The following CCDC17 variants were observed in gnomAD, a reference collection of about 807,000 sequenced individuals.
CCDC17 encodes coiled-coil domain-containing protein 17.
Under a neutral mutation model 68.0 loss-of-function variants are expected in CCDC17, and 79 were observed. That is an observed-to-expected ratio of 1.16 (90% CI 0.97 to 1.40). The LOEUF is 1.40. Ranked by LOEUF, CCDC17 falls within the 40% of genes most tolerant of loss-of-function variation. The probability of loss-of-function intolerance (pLI) is 0.00; values close to 1 mark genes in which losing one functional copy is unlikely to be tolerated. For missense variants in CCDC17, 846 were observed against 811.5 expected (o/e 1.04, Z -0.52); for synonymous variants, 376 against 337.5 (o/e 1.11, Z -1.25).
In CCDC17 at chr1:45,620,405, C is replaced by T. The variant is rs3014246; in HGVS notation, c.1739G>A (p.Ser580Asn). ...PVSSTSSLEA[S>N]FLTPAVGFAD... ...AAAGCCAACTGCGGGGGTGAGGAAG[C>T]TGGCTTCCAGTGAAGATGTGCTGGA... The change falls in exon 13 of 13, where the codon AGC (serine) becomes AAC (asparagine). Residue 580 changes from serine to asparagine, a missense_variant. Physicochemically the swap from Ser to Asn is conservative, Grantham distance 46. Coordinates refer to ENST00000528266, the MANE Select transcript of CCDC17 (RefSeq NM_001114938.3). 0.71 allele frequency: 1,116,970 copies of T among 1,581,978 alleles called. 395,125 individuals are homozygous for T. The highest frequency in any genetic ancestry group is 0.75 in the African/African-American group (55,318 of 73,352).
Position 45,623,200 on chromosome 1 carries a change from TC to T in CCDC17, c.493+16del, listed in dbSNP as rs1179539175. The T allele has an allele frequency of 1.3e-6, 2 of 1,541,112 alleles. No individual in the cohort carries two copies. Among genetic ancestry groups the T allele is most frequent in the African/African-American group, 2.7e-5 (2 of 72,812 alleles). On this transcript the variant is annotated intron_variant, in intron 3 of 12. Transcript: ENST00000528266. ...GGGCAGAGGAGGTCCTTGGTCCCCG[TC>T]CCCCATCTCCTTCACCCTCGCCGCG... is the stretch of plus-strand genomic sequence containing the variant.
At position 45,620,260 on chromosome 1, in the gene CCDC17, C is replaced by T. The variant is rs368906435; in HGVS notation, c.*15G>A. 1 of 1,606,440 alleles carries T rather than the reference C, an allele frequency of 6.2e-7. No individual in the cohort carries two copies. The highest frequency in any genetic ancestry group is 8.5e-7 in the Non-Finnish European group (1 of 1,177,586). ...CTGTGCATGTTCAGATGCTCATCTC[C>T]ACATTCACTTGGGTTCAGAAACTCA... is the stretch of plus-strand genomic sequence containing the variant. On this transcript the variant is annotated 3_prime_UTR_variant, in exon 13 of 13. Transcript: ENST00000528266.
chr1:45,622,125 A>G (rs927451354), intron 7 of CCDC17, 116 bp downstream of exon 7: 13 of 1,271,436 alleles, frequency 1.0e-5, no homozygotes, highest in African/African-American at 1.5e-5. Context: ...ACACACGTGC[A>G]GACATGAACT....
At position 45,621,325 on chromosome 1, in the gene CCDC17, G is replaced by C; in HGVS notation, c.1344C>G (p.Pro448=). The C allele has an allele frequency of 6.3e-7, 1 of 1,588,608 alleles. No homozygotes were observed. The highest frequency in any genetic ancestry group is 8.6e-7 in the Non-Finnish European group (1 of 1,167,448). The part of the protein sequence containing the change: ...LCLPPPPAPG[P]MGNCAILASR... Reference sequence around the variant, plus strand: ...TGGCAAGGATGGCACAGTTGCCCATGGGCCCGGGAGCAGGAGGTGGGGGCA... The same window carrying C: ...TGGCAAGGATGGCACAGTTGCCCATCGGCCCGGGAGCAGGAGGTGGGGGCA... The change falls in exon 10 of 13, where the codon CCC becomes CCG. Residue 448 remains proline (P), a synonymous_variant. Coordinates refer to ENST00000528266, the MANE Select transcript of CCDC17 (RefSeq NM_001114938.3).
intron 2 of CCDC17, 42 bp from the exon 3 acceptor site, chr1:45,623,481 C>T (rs1557682167): frequency 1.3e-6 from 2 of 1,549,458 alleles, no homozygotes; most frequent in Non-Finnish European, 1.7e-6. Flanking sequence ...TGGGCAGAAT[C>T]TGTCCCAAGT....
At chr1:45,622,860 A>AGACGGT in intron 4 of CCDC17, 26 bp from the exon 5 acceptor site, 1 of 1,581,768 alleles carries the variant, frequency 6.3e-7, no homozygotes, top group Non-Finnish European at 8.6e-7. Context: ...ACGCGCAGGG[A>AGACGGT]GACGGTAACG....
intron 3 of CCDC17, 43 bp from the exon 4 acceptor site, chr1:45,623,160 TAAGCC>T: frequency 6.5e-7 from 1 of 1,539,794 alleles, no homozygotes; most frequent in South Asian, 1.2e-5. Context: ...CGAGCAAGCT[TAAGCC>T]AAACGGCGAG....
In CCDC17 at chr1:45,623,074, C is replaced by G. The variant is rs750250138; in HGVS notation, c.537G>C (p.Gly179=). The G allele has an allele frequency of 6.2e-7, 1 of 1,602,444 alleles. No homozygotes were observed. The highest frequency in any genetic ancestry group is 8.5e-7 in the Non-Finnish European group (1 of 1,174,976). The stretch of plus-strand genomic sequence containing the variant: ...GCTCCAGGCCGAAGAGGCGGGACAT[C>G]CCGCCCCGCGTACAGGCCACAACTT... ...RLQVVACTRG[G]MSRLFGLEQE... The change falls in exon 4 of 13, where the codon GGG becomes GGC. Residue 179 remains glycine (G), a synonymous_variant. Transcript: ENST00000528266.
chr1:45,623,766 T>C lies in CCDC17; in HGVS notation c.144A>G (p.Ala48=). Residue 48 remains alanine (A), a synonymous_variant, in exon 1 of 13, where the codon GCA becomes GCG. Transcript: ENST00000528266. The part of the protein sequence containing the change: ...PTQEMTFGAQ[A]SVATEPQRAA... Reference sequence around the variant, plus strand: ...CCCGCTGGGGTTCAGTGGCAACTGATGCCTGTGCTCCAAATGTCATCTCTT... The same window carrying C: ...CCCGCTGGGGTTCAGTGGCAACTGACGCCTGTGCTCCAAATGTCATCTCTT... 4 of 1,551,338 alleles carry C rather than the reference T, an allele frequency of 2.6e-6. No individual in the cohort carries two copies. Among genetic ancestry groups the C allele is most frequent in the Non-Finnish European group, 3.5e-6 (4 of 1,146,788 alleles).
Position 45,623,981 on chromosome 1 carries a change from G to C in CCDC17, c.-72C>G. 1 of 1,076,246 alleles carries C rather than the reference G, an allele frequency of 9.3e-7. No individual in the cohort carries two copies. The highest frequency in any genetic ancestry group is 1.7e-5 in the South Asian group (1 of 59,062). The allele number at this position is 1,076,246 out of a possible 1,614,324, so 66.7% of individuals were successfully genotyped here. A position where few individuals can be genotyped will look rare whatever the true frequency, so the allele number is the denominator to read the frequency against. ...TCAAGGGCAGGGGAAAGGCAGAGGA[G>C]GATGAAAGAGACATAAAGCCAGAGG... On this transcript the variant is annotated 5_prime_UTR_variant, in exon 1 of 13. Coordinates refer to ENST00000528266, the MANE Select transcript of CCDC17 (RefSeq NM_001114938.3).
intron 4 of CCDC17, 58 bp from the exon 5 acceptor site, chr1:45,622,892 A>G (rs1430795132): frequency 1.3e-6 from 2 of 1,572,212 alleles, no homozygotes; most frequent in Non-Finnish European, 1.7e-6. Flanking sequence ...CCGGGGCTGC[A>G]GCCAGCCCGC....
At chr1:45,622,468 C>T in intron 6 of CCDC17, 81 bp downstream of exon 6, 1 of 1,474,956 alleles carries the variant, frequency 6.8e-7, no homozygotes, top group Non-Finnish European at 9.2e-7. Context: ...GCTCACATGC[C>T]ATCCACAGCC....
At chr1:45,620,542 A>C in intron 12 of CCDC17, 109 bp from the exon 13 acceptor site, 2 of 1,469,362 alleles carry the variant, frequency 1.4e-6, no homozygotes, top group South Asian at 2.8e-5. Context: ...AACCAAGTTA[A>C]CCTGCTCCTG....
intron 10 of CCDC17, 71 bp downstream of exon 10, chr1:45,621,210 A>G (rs1644242375): frequency 1.3e-6 from 2 of 1,545,164 alleles, no homozygotes; most frequent in Admixed American, 3.9e-5. Context: ...TACAGATGAG[A>G]AAACTTAGCA....
At position 45,623,354 on chromosome 1, in the gene CCDC17, G is replaced by C. The variant is rs559955057; in HGVS notation, c.356C>G (p.Ser119Cys). ...CATGGGACTCTGAGGCCGCGCCTCGGAACGTGTCCAGGGCCCCGCGAACAC... is the reference window on the plus strand; with the variant it reads ...CATGGGACTCTGAGGCCGCGCCTCGCAACGTGTCCAGGGCCCCGCGAACAC... The part of the protein sequence containing the change: ...PRVFAGPWTR[S>C]EARPQSPMSE... Residue 119 changes from serine (S) to cysteine (C), a missense_variant, in exon 3 of 13, where the codon TCC (serine) becomes TGC (cysteine). Coordinates refer to ENST00000528266, the MANE Select transcript of CCDC17 (RefSeq NM_001114938.3). 30 of 1,550,706 alleles carry C rather than the reference G, an allele frequency of 1.9e-5. No homozygotes were observed. In the East Asian group the frequency reaches 5.6e-4, roughly 29 times the overall value.
Position 45,622,340 on chromosome 1 carries a change from C to G in CCDC17, c.868G>C (p.Gly290Arg), listed in dbSNP as rs775907941. ...ACTGGAAGCTCCCCTGAGGTGGCAC[C>G]TGCCCTTCCTGCGATGAACAAGTGT... Reference protein sequence around the residue: ...QRSQTRRGRAGATSGELPVVE... With the variant: ...QRSQTRRGRARATSGELPVVE... Residue 290 changes from glycine (G) to arginine (R), a missense_variant, in exon 7 of 13, where the codon GGT becomes CGT. Gly to Arg is a moderately radical substitution (Grantham distance 125). Transcript: ENST00000528266. 1.4e-5 allele frequency: 22 copies of G among 1,604,654 alleles called. No homozygotes were observed. Among genetic ancestry groups the G allele is most frequent in the Middle Eastern group, 3.3e-4 (2 of 6,042 alleles).
chr1:45,622,962 C>A lies in CCDC17; in HGVS notation c.649G>T (p.Glu217Ter). Residue 217 changes from glutamate to a stop codon, truncating the protein, a stop_gained, in exon 4 of 13, where the codon GAG becomes TAG. Coordinates refer to ENST00000528266, the MANE Select transcript of CCDC17 (RefSeq NM_001114938.3). LOFTEE classifies it high-confidence loss of function. Reference protein sequence around the residue: ...LGARIQELQAEPGNPLSSRRE... With the variant: ...LGARIQELQA ...CGCTTAGTCGGGTCTCACCCTGGCT[C>A]CGCCTGCAGCTCCTGAATGCGGGCC... is the stretch of plus-strand genomic sequence containing the variant. 6.3e-7 allele frequency: 1 copy of A among 1,599,098 alleles called. No homozygotes were observed. Among genetic ancestry groups the A allele is most frequent in the Non-Finnish European group, 8.5e-7 (1 of 1,171,816 alleles).
rs1192728219 is a variant in CCDC17, at chr1:45,623,896, G to T, written c.14C>A (p.Ser5Tyr). MDSH[S>Y]GEPALLPCGT... ...ACAGGGCAGGAGCGCAGGCTCCCCA[G>T]AGTGGGAGTCCATGGGATGGGACCC... The change falls in exon 1 of 13, where the codon TCT (serine) becomes TAT (tyrosine). Residue 5 changes from serine to tyrosine, a missense_variant. Ser to Tyr is a moderately radical substitution (Grantham distance 144, BLOSUM62 -2). Coordinates refer to ENST00000528266, the MANE Select transcript of CCDC17 (RefSeq NM_001114938.3). 6.6e-7 allele frequency: 1 copy of T among 1,524,780 alleles called. No homozygotes were observed. The allele number at this position is 1,524,780 out of a possible 1,614,324, so 94.5% of individuals were successfully genotyped here. A position where few individuals can be genotyped will look rare whatever the true frequency, so the allele number is the denominator to read the frequency against.
At position 45,623,664 on chromosome 1, in the gene CCDC17, G is replaced by C; in HGVS notation, c.175-12C>G. 1 of 1,551,686 alleles carries C rather than the reference G, an allele frequency of 6.4e-7. No individual in the cohort carries two copies. ...TCTTGTGGCACAACCTGGGGATAGG[G>C]TGTAGTAGGATGAGGAATCATAAAG... On this transcript the variant is annotated splice_polypyrimidine_tract_variant and intron_variant, in intron 1 of 12. Transcript: ENST00000528266.
Sources: gnomAD v4.1 joint callset for allele counts on GRCh38, gnomAD v4.1.1 for gene constraint, MANE v1.5 for transcripts, NCBI Gene and HGNC (gene_info 2026-07-23, HGNC 2026-07-21) for gene names.